The following PTPRD variants were observed in gnomAD, a reference collection of about 807,000 sequenced individuals.
PTPRD encodes receptor-type tyrosine-protein phosphatase delta.
In PTPRD, 34 loss-of-function variants were observed where a neutral mutation model predicts 214.5. The observed-to-expected ratio is 0.16, with a 90% confidence interval of 0.12 to 0.21. The LOEUF is 0.21. Among genes scored for constraint, PTPRD ranks in the 10% least tolerant of loss-of-function variants. The pLI is 1.00. For synonymous variants in PTPRD, 1,128 were observed against 845.7 expected (o/e 1.33, Z -5.79); for missense variants, 2,545 against 2,398.7 (o/e 1.06, Z -1.27).
intron 4 of PTPRD, among the ~76,000 whole-genome samples, chr9:9,984,460 C>T (rs1374967651): frequency 6.6e-6 from 1 of 152,094 alleles, no homozygotes; most frequent in Non-Finnish European, 1.5e-5. Context: ...GTGTGCCAGA[C>T]TGGACATGGT....
chr9:10,604,510 T>G (rs1281486679), intron 2 of PTPRD, among the ~76,000 whole-genome samples: 1 of 151,462 alleles, frequency 6.6e-6, no homozygotes, highest in Non-Finnish European at 1.5e-5. Flanking sequence ...GGCAGGAAAA[T>G]GGGAGAATAA....
intron 3 of PTPRD, among the ~76,000 whole-genome samples, chr9:10,335,643 G>C (rs1225579437): frequency 1.3e-5 from 2 of 151,604 alleles, no homozygotes; most frequent in East Asian, 1.9e-4. Context: ...ACACTGTCAA[G>C]AGAATGAAAA....
intron 5 of PTPRD, among the ~76,000 whole-genome samples, chr9:9,819,329 T>C (rs2049908682): frequency 6.6e-6 from 1 of 152,148 alleles, no homozygotes; most frequent in Admixed American, 6.6e-5. Flanking sequence ...CAGTATAAAT[T>C]CCTCCAGAAT....
At chr9:8,829,393 T>C (rs929982551) in intron 11 of PTPRD, among the ~76,000 whole-genome samples, 1 of 152,206 alleles carries the variant, frequency 6.6e-6, no homozygotes, top group East Asian at 1.9e-4. Flanking sequence ...GTTTGTACCC[T>C]TTTGTTTCTG....
intron 36 of PTPRD, among the ~76,000 whole-genome samples, chr9:8,393,439 G>T (rs1404435636): frequency 6.6e-6 from 1 of 152,054 alleles, no homozygotes; most frequent in Admixed American, 6.6e-5. Context: ...TTTCCTGTTT[G>T]TTTGTTTTTT....
intron 2 of PTPRD, among the ~76,000 whole-genome samples, chr9:10,554,025 T>C (rs963779134): frequency 1.3e-5 from 2 of 152,142 alleles, no homozygotes; most frequent in African/African-American, 2.4e-5. Flanking sequence ...GTGGGAAACA[T>C]GTTTGACCTG....
At chr9:8,748,486 T>C (rs1329011364) in intron 11 of PTPRD, among the ~76,000 whole-genome samples, 1 of 142,054 alleles carries the variant, frequency 7.0e-6, no homozygotes, top group Non-Finnish European at 1.5e-5. Context: ...GGAGCTCTGT[T>C]TTCATTCTAT....
intron 5 of PTPRD, among the ~76,000 whole-genome samples, chr9:9,870,670 G>C (rs1266556893): frequency 6.6e-6 from 1 of 151,918 alleles, no homozygotes; most frequent in Non-Finnish European, 1.5e-5. Flanking sequence ...TCATGTATGA[G>C]AATGACTTTG....
intron 4 of PTPRD, among the ~76,000 whole-genome samples, chr9:9,986,106 A>G (rs2095701541): frequency 6.6e-6 from 1 of 152,164 alleles, no homozygotes; most frequent in African/African-American, 2.4e-5. Context: ...TTTACAAAGA[A>G]TGATTATTAA....
At chr9:9,269,038 T>C (rs1569566200) in intron 9 of PTPRD, among the ~76,000 whole-genome samples, 1 of 149,806 alleles carries the variant, frequency 6.7e-6, no homozygotes, top group African/African-American at 2.4e-5. Context: ...AAAGTTTCTA[T>C]ACAACAAAGA....
At chr9:8,611,906 A>G (rs1409656647) in intron 14 of PTPRD, among the ~76,000 whole-genome samples, 1 of 147,800 alleles carries the variant, frequency 6.8e-6, no homozygotes, top group Non-Finnish European at 1.5e-5. Flanking sequence ...TCCTTTTTGT[A>G]CCTAAATATC....
At chr9:9,274,413 C>A (rs1944168125) in intron 9 of PTPRD, among the ~76,000 whole-genome samples, 1 of 151,280 alleles carries the variant, frequency 6.6e-6, no homozygotes, top group Non-Finnish European at 1.5e-5. Context: ...GATACTCAAC[C>A]AATTATTATC....
At chr9:9,010,882 T>C (rs2099509000) in intron 11 of PTPRD, among the ~76,000 whole-genome samples, 1 of 152,142 alleles carries the variant, frequency 6.6e-6, no homozygotes, top group Non-Finnish European at 1.5e-5. Context: ...GGCAGACAAA[T>C]ATTATCCGCT....
At chr9:9,566,871 A>G (rs141978435) in intron 8 of PTPRD, among the ~76,000 whole-genome samples, 3,159 of 152,136 alleles carry the variant, frequency 0.021, 48 homozygotes, top group Admixed American at 0.026. Flanking sequence ...GCTTATGTAC[A>G]CTGACACTAA....
At chr9:9,804,589 G>C (rs1258628934) in intron 5 of PTPRD, among the ~76,000 whole-genome samples, 1 of 152,060 alleles carries the variant, frequency 6.6e-6, no homozygotes, top group East Asian at 1.9e-4. Context: ...TTGGCACCTA[G>C]TAGGTGTTGA....
At chr9:9,453,816 T>C (rs545952496) in intron 8 of PTPRD, among the ~76,000 whole-genome samples, 1 of 151,814 alleles carries the variant, frequency 6.6e-6, no homozygotes, top group South Asian at 2.1e-4. Context: ...CATAAGGAGA[T>C]ATAAGGGCCT....
chr9:9,730,565 T>C (rs1284478397), intron 7 of PTPRD, among the ~76,000 whole-genome samples: 2 of 152,142 alleles, frequency 1.3e-5, no homozygotes, highest in Non-Finnish European at 2.9e-5. Context: ...TAAAATCTTG[T>C]TTTAACTATC....
chr9:8,832,490 G>C (rs909548486), intron 11 of PTPRD, among the ~76,000 whole-genome samples: 3 of 137,498 alleles, frequency 2.2e-5, no homozygotes, highest in Admixed American at 8.1e-5. Flanking sequence ...TTACAAGTAA[G>C]AGAAAAAGTC....
intron 3 of PTPRD, among the ~76,000 whole-genome samples, chr9:10,081,319 A>G (rs2098233266): frequency 6.6e-6 from 1 of 152,144 alleles, no homozygotes; most frequent in African/African-American, 2.4e-5. Context: ...TAAAGATTAT[A>G]ATCAATTATA....
Sources: gnomAD v4.1 joint callset for allele counts (sites outside exome capture counted in the v4.1 genomes callset) on GRCh38, gnomAD v4.1.1 for gene constraint, MANE v1.5 for transcripts, NCBI Gene and HGNC (gene_info 2026-07-23, HGNC 2026-07-21) for gene names.